Variants in ATP13A5 observed in about 807,000 individuals in gnomAD.
The protein encoded by ATP13A5 is probable cation-transporting ATPase 13A5.
Under a neutral mutation model 150.2 loss-of-function variants are expected in ATP13A5, and 149 were observed. That is an observed-to-expected ratio of 0.99 (90% CI 0.87 to 1.14). The LOEUF is 1.14. Ranked by LOEUF, ATP13A5 falls within the 50% of genes most tolerant of loss-of-function variation. The pLI is 0.00. For synonymous variants in ATP13A5, 497 were observed against 522.2 expected (o/e 0.95, Z 0.66); for missense variants, 1,383 against 1,449.3 (o/e 0.95, Z 0.74).
intron 25 of ATP13A5, among the ~76,000 whole-genome samples, chr3:193,297,461 G>C (rs1017163762): frequency 1.3e-5 from 2 of 152,054 alleles, no homozygotes; most frequent in African/African-American, 4.8e-5. Context: ...TTTGCAGGTA[G>C]AGGGTAAAAA....
chr3:193,349,203 C>G (rs2108889208), intron 7 of ATP13A5, among the ~76,000 whole-genome samples: 1 of 152,214 alleles, frequency 6.6e-6, no homozygotes, highest in African/African-American at 2.4e-5. Context: ...GTTAGGTACC[C>G]TTTTATTAGT....
At chr3:193,275,893 G>A (rs1048158183) in intron 29 of ATP13A5, among the ~76,000 whole-genome samples, 12 of 151,980 alleles carry the variant, frequency 7.9e-5, no homozygotes, top group Admixed American at 7.9e-4. Context: ...ATTTTATTAT[G>A]GGAAGAACGT....
rs1222107783 is a variant in ATP13A5 at position 193,322,430 on chromosome 3, C to T, written c.1758+61G>A. 7.9e-6 allele frequency: 10 copies of T among 1,272,712 alleles called. No homozygotes were observed. The Admixed American group carries it at 1.4e-4, about 18-fold the overall frequency. The allele number at this position is 1,272,712 out of a possible 1,614,324, so 78.8% of individuals were successfully genotyped here. On this transcript the variant is annotated intron_variant, in intron 15 of 29. Coordinates refer to ENST00000342358, the MANE Select transcript of ATP13A5 (RefSeq NM_198505.4). ...TAGGACTATAAAAATATGTGCAAGT[C>T]AGAAATGTTTTACCAGTTTTATGGG...
rs988576677 is a variant in ATP13A5 at position 193,279,263 on chromosome 3, T to G, written c.3315+103A>C. ...GTATATAGAAATAGCCTCACAGTAT[T>G]TGGTGGTCAAAGAGAATACAGTAAT... On this transcript the variant is annotated intron_variant, in intron 28 of 29. Coordinates refer to ENST00000342358, the MANE Select transcript of ATP13A5 (RefSeq NM_198505.4). The G allele has an allele frequency of 7.7e-5, 69 of 894,094 alleles. No homozygotes were observed. In the Admixed American group the frequency reaches 1.5e-3, roughly 19 times the overall value. 55.4% of individuals were successfully genotyped at this position (894,094 alleles called of 1,614,324 possible).
intron 19 of ATP13A5, chr3:193,313,816 T>G: frequency 2.0e-6 from 1 of 489,318 alleles, no homozygotes; most frequent in Non-Finnish European, 3.6e-6. Context: ...GGGTTCTGAT[T>G]TAATTGGTGC....
chr3:193,277,096 C>G (rs1717253139), intron 28 of ATP13A5, among the ~76,000 whole-genome samples: 1 of 152,156 alleles, frequency 6.6e-6, no homozygotes. Context: ...CCCTGAATCA[C>G]AAATACGAGA....
At chr3:193,368,851 A>G (rs1713344803) in intron 1 of ATP13A5, among the ~76,000 whole-genome samples, 1 of 152,218 alleles carries the variant, frequency 6.6e-6, no homozygotes, top group Non-Finnish European at 1.5e-5. Flanking sequence ...TCTGAAAGAA[A>G]CCATAGGATG....
intron 23 of ATP13A5, among the ~76,000 whole-genome samples, chr3:193,303,455 G>C (rs776057347): frequency 6.6e-5 from 10 of 152,060 alleles, no homozygotes; most frequent in Non-Finnish European, 1.3e-4. Flanking sequence ...AATTTTGTGT[G>C]TGTATGTGTG....
intron 16 of ATP13A5, among the ~76,000 whole-genome samples, chr3:193,320,495 A>T (rs764326648): frequency 2.6e-5 from 4 of 152,228 alleles, no homozygotes; most frequent in Non-Finnish European, 5.9e-5. Flanking sequence ...GAGCAGGGAC[A>T]ATAGATACCA....
chr3:193,318,674 G>A (rs965840843), intron 17 of ATP13A5, among the ~76,000 whole-genome samples: 12 of 152,110 alleles, frequency 7.9e-5, no homozygotes, highest in East Asian at 5.8e-4. Flanking sequence ...TTGAAGGAGC[G>A]TTGGTTGTTT....
intron 9 of ATP13A5, among the ~76,000 whole-genome samples, chr3:193,340,774 T>C (rs1482156970): frequency 6.6e-6 from 1 of 152,230 alleles, no homozygotes; most frequent in Non-Finnish European, 1.5e-5. Flanking sequence ...GTTTTCTTCA[T>C]ATAACTTATA....
intron 1 of ATP13A5, among the ~76,000 whole-genome samples, chr3:193,369,399 A>G (rs1480552492): frequency 6.6e-6 from 1 of 152,170 alleles, no homozygotes; most frequent in Non-Finnish European, 1.5e-5. Flanking sequence ...GTTTGAGCCC[A>G]GGAGTTCAAG....
chr3:193,317,804 T>C (rs1719104893), intron 17 of ATP13A5, among the ~76,000 whole-genome samples: 1 of 152,244 alleles, frequency 6.6e-6, no homozygotes, highest in South Asian at 2.1e-4. Flanking sequence ...GTTATATTTA[T>C]AATGTCTATC....
At chr3:193,276,910 AGATT>A in intron 28 of ATP13A5, 80 bp from the exon 29 acceptor site, 1 of 1,066,466 alleles carries the variant, frequency 9.4e-7, no homozygotes, top group Non-Finnish European at 1.4e-6. Flanking sequence ...TTTAATTTAT[AGATT>A]TGTAATAACT....
At position 193,334,965 on chromosome 3, in the gene ATP13A5, C is replaced by A. The variant is rs1711794145; in HGVS notation, c.1078G>T (p.Gly360Trp). The change falls in exon 10 of 30, where the codon GGG becomes TGG. Residue 360 changes from glycine (G) to tryptophan (W), a missense_variant. Gly to Trp is a radical substitution (Grantham distance 184). Around this residue, in one of 3 missense-constraint regions of ATP13A5, gnomAD observed 787 missense variants for 771.9 expected, o/e 1.02. Coordinates refer to ENST00000342358, the MANE Select transcript of ATP13A5 (RefSeq NM_198505.4). Reference sequence around the variant, plus strand: ...ACGACTGCTCGTACAGGCCCCTGCCCAGAGGGCTTGACCTGGATAACTTCT... The same window carrying A: ...ACGACTGCTCGTACAGGCCCCTGCCAAGAGGGCTTGACCTGGATAACTTCT... ...GTEVIQVKPS[G>W]QGPVRAVVLQ... 2 of 1,613,914 alleles carry A rather than the reference C, an allele frequency of 1.2e-6. No homozygotes were observed. The highest frequency in any genetic ancestry group is 4.5e-5 in the East Asian group (2 of 44,864).
rs749671038 is a variant in ATP13A5, at chr3:193,307,374, G to A, written c.2526-5C>T. 4.7e-5 allele frequency: 76 copies of A among 1,613,524 alleles called. No homozygotes were observed. The highest frequency in any genetic ancestry group is 1.3e-4 in the African/African-American group (10 of 74,886). On this transcript the variant is annotated splice_region_variant and splice_polypyrimidine_tract_variant and intron_variant, in intron 21 of 29. Coordinates refer to ENST00000342358, the MANE Select transcript of ATP13A5 (RefSeq NM_198505.4). ...CCACACATGCCCACATAATAACTGC[G>A]GGAGACAGGAGAAGAAGGATTAATA...
intron 9 of ATP13A5, among the ~76,000 whole-genome samples, chr3:193,343,667 T>C (rs1712212420): frequency 6.6e-6 from 1 of 152,116 alleles, no homozygotes; most frequent in Admixed American, 6.5e-5. Context: ...AAGCACCCTA[T>C]TCACCCCACT....
rs1712294412 is a variant in ATP13A5, at chr3:193,345,314, A to G, written c.742-239T>C. Among the ~76,000 whole-genome samples the G allele has an allele frequency of 2.6e-5, 4 of 152,262 alleles. No individual in the cohort carries two copies. The South Asian group carries it at 8.3e-4, about 32-fold the overall frequency. On this transcript the variant is annotated intron_variant, in intron 7 of 29. Coordinates refer to ENST00000342358, the MANE Select transcript of ATP13A5 (RefSeq NM_198505.4). ...TCTCACTCCCAAGAAAAAATAATGC[A>G]CAGTCACTGCCTCAAGGACCTAAGC... is the stretch of plus-strand genomic sequence containing the variant.
intron 7 of ATP13A5, among the ~76,000 whole-genome samples, chr3:193,349,051 A>G (rs1286112687): frequency 6.6e-6 from 1 of 152,336 alleles, no homozygotes; most frequent in East Asian, 1.9e-4. Context: ...AAACACATAC[A>G]TTGTGAATGT....
Sources: allele counts gnomAD v4.1 joint callset (sites outside exome capture counted in the v4.1 genomes callset), GRCh38; gene constraint gnomAD v4.1.1; regional missense constraint gnomAD v4.1.1; transcripts MANE v1.5; gene names NCBI Gene and HGNC (gene_info 2026-07-23, HGNC 2026-07-21).